SMG7: variants seen among roughly 807,000 people sequenced by gnomAD.
SMG7 encodes the protein nonsense-mediated mRNA decay factor SMG7.
Under a neutral mutation model 148.2 loss-of-function variants are expected in SMG7, and 34 were observed. The observed-to-expected ratio is 0.23, with a 90% CI of 0.17 to 0.31. SMG7 has a LOEUF of 0.31. Ranked by LOEUF, SMG7 falls within the 10% of genes least tolerant of loss-of-function variation. The pLI is 1.00. For missense variants in SMG7, 1,114 were observed against 1,408.4 expected (o/e 0.79, Z 3.35); for synonymous variants, 492 against 515.1 (o/e 0.96, Z 0.61).
intron 1 of SMG7, among the ~76,000 whole-genome samples, chr1:183,482,929 A>T (rs1378926978): frequency 2.0e-5 from 3 of 152,192 alleles, no homozygotes; most frequent in Non-Finnish European, 4.4e-5. Context: ...TGTGGGAAGG[A>T]GAAGTTCTAC....
Position 183,538,712 on chromosome 1 carries a change from C to A in SMG7, c.1295+272C>A, listed in dbSNP as rs530461335. 2.6e-5 allele frequency among the ~76,000 whole-genome samples: 4 copies of A among 152,278 alleles called. No individual in the cohort carries two copies. In the East Asian group the frequency reaches 7.7e-4, roughly 29 times the overall value. On this transcript the variant is annotated intron_variant, in intron 12 of 22. Coordinates refer to ENST00000688051, the MANE Select transcript of SMG7 (RefSeq NM_001375584.1). ...TAAGAACCTTGCTCCATCTGTTATCCTCTCTGCATTGTATTTCCAGTGTCT... is the reference window on the plus strand; with the variant it reads ...TAAGAACCTTGCTCCATCTGTTATCATCTCTGCATTGTATTTCCAGTGTCT...
chr1:183,542,782 AC>A (rs1669104038), intron 14 of SMG7, among the ~76,000 whole-genome samples: 1 of 152,154 alleles, frequency 6.6e-6, no homozygotes, highest in African/African-American at 2.4e-5. Context: ...TCAGTTTCAC[AC>A]AGGATTATAT....
chr1:183,553,555 G>C lies in SMG7; in HGVS notation c.*1624G>C. The C allele has an allele frequency of 4.7e-6, 1 of 212,030 alleles. No homozygotes were observed. The highest frequency in any genetic ancestry group is 9.4e-6 in the Non-Finnish European group (1 of 106,290). 13.1% of individuals were successfully genotyped at this position (212,030 alleles called of 1,614,324 possible). A position where few individuals can be genotyped will look rare whatever the true frequency, so the allele number is the denominator to read the frequency against. On this transcript the variant is annotated 3_prime_UTR_variant, in exon 23 of 23. Transcript: ENST00000688051. Reference sequence around the variant, plus strand: ...TGTCACTGCAGTCTGGGCAACCCCAGCAATGAAAAGGGGTGAGATAACGCT... The same window carrying C: ...TGTCACTGCAGTCTGGGCAACCCCACCAATGAAAAGGGGTGAGATAACGCT...
chr1:183,472,528 G>A lies in SMG7; in HGVS notation c.-93G>A. 1 of 1,236,070 alleles carries A rather than the reference G, an allele frequency of 8.1e-7. No individual in the cohort carries two copies. The highest frequency in any genetic ancestry group is 1.1e-6 in the Non-Finnish European group (1 of 947,072). 76.6% of individuals were successfully genotyped at this position (1,236,070 alleles called of 1,614,324 possible). A position where few individuals can be genotyped will look rare whatever the true frequency, so the allele number is the denominator to read the frequency against. ...AGCCGGAGGAGAGGAAGATGGCGGC[G>A]GCCGCCAGCACCCGCGGTGCCGCGG... On this transcript the variant is annotated 5_prime_UTR_variant, in exon 1 of 23. Coordinates refer to ENST00000688051, the MANE Select transcript of SMG7 (RefSeq NM_001375584.1).
chr1:183,533,117 G>A (rs767148086), intron 8 of SMG7, 47 bp from the exon 9 acceptor site: 8 of 1,539,454 alleles, frequency 5.2e-6, no homozygotes, highest in South Asian at 1.2e-5. Flanking sequence ...GTCAAAGATG[G>A]TTCCTGTTCT....
chr1:183,536,060 G>A (rs535568103), intron 10 of SMG7, among the ~76,000 whole-genome samples: 99 of 152,204 alleles, frequency 6.5e-4, no homozygotes, highest in African/African-American at 2.2e-3. Context: ...TTTCCGTAGT[G>A]TGATTATTTA....
Position 183,528,872 on chromosome 1 carries a change from A to G in SMG7, c.557-20A>G. ...TTGTCACTCTTGGGGTTACTCCAGA[A>G]TCTTAACTTTCTCCTGTAGGTCAGC... On this transcript the variant is annotated intron_variant, in intron 6 of 22. Transcript: ENST00000688051. 1 of 1,603,904 alleles carries G rather than the reference A, an allele frequency of 6.2e-7. No homozygotes were observed. The highest frequency in any genetic ancestry group is 8.5e-7 in the Non-Finnish European group (1 of 1,174,516).
intron 22 of SMG7, among the ~76,000 whole-genome samples, 161 bp downstream of exon 22, chr1:183,551,351 TGA>T (rs1671022855): frequency 6.6e-6 from 1 of 152,220 alleles, no homozygotes; most frequent in Non-Finnish European, 1.5e-5. Flanking sequence ...ACAAGATTCT[TGA>T]GTGATAATTT....
chr1:183,552,507 G>A lies in SMG7; in HGVS notation c.*576G>A. The A allele has an allele frequency of 2.0e-6, 2 of 998,180 alleles. No homozygotes were observed. The highest frequency in any genetic ancestry group is 2.4e-6 in the Non-Finnish European group (2 of 837,074). 61.8% of individuals were successfully genotyped at this position (998,180 alleles called of 1,614,324 possible). On this transcript the variant is annotated 3_prime_UTR_variant, in exon 23 of 23. Coordinates refer to ENST00000688051, the MANE Select transcript of SMG7 (RefSeq NM_001375584.1). ...CGTTCACTGCTCCTGTGAGAGGTTG[G>A]TGGTGACAGGATGGGGAACCGACCT...
intron 1 of SMG7, among the ~76,000 whole-genome samples, chr1:183,489,616 A>G (rs1237379238): frequency 6.6e-6 from 1 of 152,148 alleles, no homozygotes; most frequent in Non-Finnish European, 1.5e-5. Flanking sequence ...TTGGAATAGG[A>G]CCATGGCTGG....
chr1:183,535,261 T>G (rs1667550242), intron 10 of SMG7, among the ~76,000 whole-genome samples: 1 of 152,238 alleles, frequency 6.6e-6, no homozygotes, highest in Non-Finnish European at 1.5e-5. Flanking sequence ...TGTACAGTGA[T>G]CCTTTTGGCC....
intron 8 of SMG7, among the ~76,000 whole-genome samples, chr1:183,532,550 G>T (rs1425679008): frequency 1.3e-5 from 2 of 152,122 alleles, no homozygotes; most frequent in Admixed American, 1.3e-4. Context: ...TCTAAGAGGG[G>T]AAAATACCAG....
At chr1:183,481,715 T>C (rs941958131) in intron 1 of SMG7, among the ~76,000 whole-genome samples, 2 of 152,122 alleles carry the variant, frequency 1.3e-5, no homozygotes, top group African/African-American at 4.8e-5. Flanking sequence ...GTAAATACAG[T>C]GTGAAATGTT....
intron 1 of SMG7, among the ~76,000 whole-genome samples, chr1:183,506,415 A>G (rs1660898231): frequency 6.6e-6 from 1 of 152,158 alleles, no homozygotes; most frequent in Admixed American, 6.5e-5. Context: ...CAGTAGAGCA[A>G]TATGATTTAT....
intron 1 of SMG7, among the ~76,000 whole-genome samples, chr1:183,505,226 A>G (rs375559657): frequency 3.0e-4 from 46 of 151,648 alleles, no homozygotes; most frequent in African/African-American, 1.1e-3. Flanking sequence ...TTGTTCCTCA[A>G]CCTCCTGCAT....
intron 2 of SMG7, among the ~76,000 whole-genome samples, chr1:183,514,039 A>G (rs1261379620): frequency 6.6e-6 from 1 of 151,550 alleles, no homozygotes; most frequent in East Asian, 1.9e-4. Context: ...CAAAAAAAAA[A>G]AAAAAAAAAA....
intron 3 of SMG7, among the ~76,000 whole-genome samples, chr1:183,516,302 T>G (rs1258063146): frequency 6.6e-6 from 1 of 152,156 alleles, no homozygotes; most frequent in East Asian, 1.9e-4. Context: ...GTGGTCAGTC[T>G]TATAATTAAG....
intron 1 of SMG7, among the ~76,000 whole-genome samples, chr1:183,478,808 T>G (rs944004861): frequency 6.6e-6 from 1 of 152,204 alleles, no homozygotes; most frequent in Admixed American, 6.5e-5. Context: ...TTAGTTTAAT[T>G]GATCTTGTGT....
At chr1:183,536,034 A>G (rs1201875627) in intron 10 of SMG7, among the ~76,000 whole-genome samples, 1 of 152,116 alleles carries the variant, frequency 6.6e-6, no homozygotes, top group Non-Finnish European at 1.5e-5. Context: ...ACTGTCCCAA[A>G]TAGTTAACTT....
Sources: allele counts gnomAD v4.1 joint callset (sites outside exome capture counted in the v4.1 genomes callset), GRCh38; gene constraint gnomAD v4.1.1; transcripts MANE v1.5; gene names NCBI Gene and HGNC (gene_info 2026-07-23, HGNC 2026-07-21).